Variants in CAPZB observed in about 807,000 individuals in gnomAD.
The protein encoded by CAPZB is F-actin-capping protein subunit beta.
A neutral mutation model predicts 38.1 loss-of-function variants in CAPZB; 2 were observed. That is an observed-to-expected ratio of 0.05 (90% CI 0.02 to 0.17). The LOEUF is 0.17. Among genes scored for constraint, CAPZB ranks in the 10% least tolerant of loss-of-function variants. The pLI is 1.00. For synonymous variants in CAPZB, 107 were observed against 127.4 expected (o/e 0.84, Z 1.08); for missense variants, 161 against 334.2 (o/e 0.48, Z 4.04).
chr1:19,385,624 G>T lies in CAPZB; in HGVS notation c.96C>A (p.Val32=). The T allele has an allele frequency of 6.2e-7, 1 of 1,614,174 alleles. No individual in the cohort carries two copies. The highest frequency in any genetic ancestry group is 8.5e-7 in the Non-Finnish European group (1 of 1,180,028). ...EKNLSDLIDL[V]PSLCEDLLSS... is the part of the protein sequence containing the mutation. The stretch of plus-strand genomic sequence containing the variant: ...ACAGGAGATCCTCACATAGACTGGG[G>T]ACCTGGCAGAGAGAAAGGACAAGGT... Residue 32 remains valine, a splice_region_variant and synonymous_variant, in exon 3 of 9, where the codon GTC becomes GTA. Transcript: ENST00000264202.
At chr1:19,419,620 A>G in intron 2 of CAPZB, 41 bp downstream of exon 2, 2 of 1,176,796 alleles carry the variant, frequency 1.7e-6, no homozygotes, top group Non-Finnish European at 2.5e-6. Context: ...ACTAACTCTT[A>G]GCCGCAGTCT....
chr1:19,418,016 A>G (rs767689172), intron 2 of CAPZB, among the ~76,000 whole-genome samples: 2 of 151,738 alleles, frequency 1.3e-5, no homozygotes, highest in Non-Finnish European at 2.9e-5. Flanking sequence ...GGCGCCTGTA[A>G]TCCCAGCTAC....
At chr1:19,413,007 G>T (rs78635579) in intron 2 of CAPZB, among the ~76,000 whole-genome samples, 7 of 152,134 alleles carry the variant, frequency 4.6e-5, no homozygotes, top group Admixed American at 4.6e-4. Context: ...CGAAAACCCC[G>T]GCACCTAGAA....
At chr1:19,444,958 G>C (rs1464760709) in intron 1 of CAPZB, among the ~76,000 whole-genome samples, 1 of 152,010 alleles carries the variant, frequency 6.6e-6, no homozygotes, top group African/African-American at 2.4e-5. Context: ...GGCCAGGCTG[G>C]TATTGAACTC....
At chr1:19,430,052 A>G (rs954866404) in intron 1 of CAPZB, among the ~76,000 whole-genome samples, 1 of 152,148 alleles carries the variant, frequency 6.6e-6, no homozygotes. Flanking sequence ...AGCCCAGGAC[A>G]GCATCAAGAA....
At chr1:19,345,124 C>G in intron 7 of CAPZB, 63 bp downstream of exon 7, 1 of 1,260,650 alleles carries the variant, frequency 7.9e-7, no homozygotes, top group Non-Finnish European at 1.2e-6. Context: ...CACAGCGGCT[C>G]CGGGGCTGCA....
intron 4 of CAPZB, among the ~76,000 whole-genome samples, chr1:19,365,417 C>T (rs1025424762): frequency 2.4e-4 from 37 of 152,154 alleles, no homozygotes; most frequent in Admixed American, 1.9e-3. Flanking sequence ...AGTTCCAGAT[C>T]GCGTGGATTT....
chr1:19,395,716 C>G (rs932986586), intron 2 of CAPZB, among the ~76,000 whole-genome samples: 5 of 152,246 alleles, frequency 3.3e-5, no homozygotes, highest in African/African-American at 1.2e-4. Context: ...GGCACACAAC[C>G]CATCACCTGT....
chr1:19,402,789 T>C (rs530401471), intron 2 of CAPZB, among the ~76,000 whole-genome samples: 10 of 152,306 alleles, frequency 6.6e-5, no homozygotes, highest in Admixed American at 3.3e-4. Context: ...GGCTCACCTC[T>C]GTAATCCCAG....
Position 19,344,947 on chromosome 1 carries a change from AGTC to A in CAPZB, c.654+237_654+239del, listed in dbSNP as rs370132643. Among the ~76,000 whole-genome samples the A allele has an allele frequency of 3.1e-4, 47 of 152,338 alleles. 1 individual carries two copies. The South Asian group carries it at 9.5e-3, about 31-fold the overall frequency. On this transcript the variant is annotated intron_variant, in intron 7 of 8. Coordinates refer to ENST00000264202, the MANE Select transcript of CAPZB (RefSeq NM_004930.5). ...TGCGCCCCAGAGCCAGCGCCTGAGC[AGTC>A]TTCTGGGAGCCCAGGTCTGGGGGTG...
At chr1:19,367,707 C>A (rs760607127) in intron 4 of CAPZB, among the ~76,000 whole-genome samples, 5 of 152,250 alleles carry the variant, frequency 3.3e-5, no homozygotes, top group Admixed American at 3.3e-4. Flanking sequence ...ACATACCAAT[C>A]AGCTTAGGCA....
chr1:19,386,825 C>T (rs1001406426), intron 2 of CAPZB, among the ~76,000 whole-genome samples: 2 of 152,224 alleles, frequency 1.3e-5, no homozygotes, highest in Admixed American at 1.3e-4. Context: ...GTGAGATGAT[C>T]TGTTTCTTAT....
At chr1:19,400,570 C>G (rs915187925) in intron 2 of CAPZB, among the ~76,000 whole-genome samples, 1 of 152,146 alleles carries the variant, frequency 6.6e-6, no homozygotes, top group Non-Finnish European at 1.5e-5. Context: ...TTTTCTGGCA[C>G]GTGGGGAAGT....
intron 1 of CAPZB, among the ~76,000 whole-genome samples, chr1:19,461,705 C>T (rs1450047762): frequency 2.0e-5 from 3 of 152,190 alleles, no homozygotes; most frequent in African/African-American, 7.2e-5. Context: ...GAAGCCACTG[C>T]ATAAATACTT....
At chr1:19,373,823 G>A (rs1253673326) in intron 4 of CAPZB, among the ~76,000 whole-genome samples, 1 of 151,808 alleles carries the variant, frequency 6.6e-6, no homozygotes, top group Non-Finnish European at 1.5e-5. Flanking sequence ...GAGTAGCTAG[G>A]CCTATGTGTG....
chr1:19,394,745 C>T (rs1034758077), intron 2 of CAPZB, among the ~76,000 whole-genome samples: 8 of 151,988 alleles, frequency 5.3e-5, no homozygotes, highest in Non-Finnish European at 1.0e-4. Context: ...AACAAACAAA[C>T]AAAAAAAGTG....
At chr1:19,438,343 G>A (rs58186877) in intron 1 of CAPZB, among the ~76,000 whole-genome samples, 3,020 of 152,242 alleles carry the variant, frequency 0.02, 109 homozygotes, top group African/African-American at 0.069. Flanking sequence ...AGCGTACTTC[G>A]ATAATGCCTC....
At chr1:19,473,805 A>G (rs573276477) in intron 1 of CAPZB, among the ~76,000 whole-genome samples, 20 of 152,166 alleles carry the variant, frequency 1.3e-4, no homozygotes, top group Non-Finnish European at 2.9e-4. Context: ...CGGAAGTTGC[A>G]GTGAGCTGAG....
At position 19,390,650 on chromosome 1, in the gene CAPZB, C is replaced by T. The variant is rs377225294; in HGVS notation, c.94-5024G>A. ...AGTCCTTCACCACCGATACTTTTGC[C>T]GGGCTCGGTGGTACCCAGGAGGCCA... is the stretch of plus-strand genomic sequence containing the variant. On this transcript the variant is annotated intron_variant, in intron 2 of 8. Transcript: ENST00000264202. Among the ~76,000 whole-genome samples, 9 of 152,080 alleles carry T rather than the reference C, an allele frequency of 5.9e-5. No individual in the cohort carries two copies. The East Asian group carries it at 7.7e-4, about 13-fold the overall frequency.
Sources: gnomAD v4.1 joint callset for allele counts (sites outside exome capture counted in the v4.1 genomes callset) on GRCh38, gnomAD v4.1.1 for gene constraint, MANE v1.5 for transcripts, NCBI Gene and HGNC (gene_info 2026-07-23, HGNC 2026-07-21) for gene names.